Variants in ZBTB16 observed in about 807,000 individuals in gnomAD.
The protein encoded by ZBTB16 is zinc finger and BTB domain containing 16, also known as zinc finger and BTB domain-containing protein 16.
In ZBTB16, 8 loss-of-function variants were observed where a neutral mutation model predicts 56.8. That is an observed-to-expected ratio of 0.14 (90% confidence interval 0.08 to 0.25). The LOEUF (loss-of-function observed/expected upper bound fraction) is 0.25. ZBTB16 is among the 10% of genes least tolerant of loss of function. The pLI is 1.00. For synonymous variants in ZBTB16, 363 were observed against 368.5 expected (o/e 0.98, Z 0.17); for missense variants, 625 against 903.0 (o/e 0.69, Z 3.95).
At chr11:114,091,850 C>T (rs1772691560) in intron 2 of ZBTB16, among the ~76,000 whole-genome samples, 1 of 152,076 alleles carries the variant, frequency 6.6e-6, no homozygotes, top group Admixed American at 6.6e-5. Context: ...CTAAGCCGGT[C>T]AAGCAGTGGT....
chr11:114,195,125 T>G (rs1195885394), intron 4 of ZBTB16, among the ~76,000 whole-genome samples: 1 of 152,164 alleles, frequency 6.6e-6, no homozygotes, highest in African/African-American at 2.4e-5. Context: ...ACATCCCCAT[T>G]TGGGACTTGA....
intron 2 of ZBTB16, among the ~76,000 whole-genome samples, chr11:114,076,403 C>G (rs563606483): frequency 2.0e-5 from 3 of 152,304 alleles, no homozygotes; most frequent in African/African-American, 7.2e-5. Context: ...TTCTCACCTC[C>G]TCGTGGGCTT....
intron 2 of ZBTB16, among the ~76,000 whole-genome samples, chr11:114,099,208 G>C (rs1322780893): frequency 6.6e-6 from 1 of 152,088 alleles, no homozygotes; most frequent in Non-Finnish European, 1.5e-5. Context: ...GGGAGAGAGA[G>C]GTGCTACAAC....
At chr11:114,094,340 A>G (rs538867081) in intron 2 of ZBTB16, among the ~76,000 whole-genome samples, 3 of 152,340 alleles carry the variant, frequency 2.0e-5, no homozygotes, top group South Asian at 4.1e-4. Context: ...AAAAAACATT[A>G]AAAAATTGAC....
intron 2 of ZBTB16, among the ~76,000 whole-genome samples, chr11:114,133,028 A>G (rs1360899877): frequency 6.6e-6 from 1 of 152,156 alleles, no homozygotes; most frequent in Admixed American, 6.5e-5. Flanking sequence ...GGCAATGAAT[A>G]TTTTATGGGA....
At chr11:114,171,949 G>A (rs1942980235) in intron 3 of ZBTB16, among the ~76,000 whole-genome samples, 1 of 152,262 alleles carries the variant, frequency 6.6e-6, no homozygotes, top group Admixed American at 6.5e-5. Context: ...GTTTATGAAG[G>A]TGCTTCAAAG....
At chr11:114,247,441 A>T (rs1944837280) in intron 6 of ZBTB16, 76 bp downstream of exon 6, 1 of 1,593,330 alleles carries the variant, frequency 6.3e-7, no homozygotes. Context: ...TCTCCTAGAG[A>T]AGCCTAAGTG....
rs1024815188 is a variant in ZBTB16, at chr11:114,156,340, G to T, written c.1272G>T (p.Lys424Asn). 6.2e-7 allele frequency: 1 copy of T among 1,614,248 alleles called. No homozygotes were observed. ...TCTCTTTTCCTTTCCCTTACAGGAAGCTGCACAGTGGGATGAAGACGTACG... is the reference window on the plus strand; with the variant it reads ...TCTCTTTTCCTTTCCCTTACAGGAATCTGCACAGTGGGATGAAGACGTACG... ...PDNEAVEQHR[K>N]LHSGMKTYGC... Residue 424 changes from lysine to asparagine, a missense_variant, in exon 3 of 7, where the codon AAG (lysine) becomes AAT (asparagine). By Grantham distance (94) the Lys-to-Asn change is moderately conservative. Transcript: ENST00000335953.
intron 2 of ZBTB16, among the ~76,000 whole-genome samples, chr11:114,129,486 C>A (rs1164219784): frequency 6.6e-6 from 1 of 152,234 alleles, no homozygotes; most frequent in Non-Finnish European, 1.5e-5. Context: ...CTGCCTTACG[C>A]AGGCTCCCAG....
chr11:114,198,503 A>G (rs984879094), intron 4 of ZBTB16, among the ~76,000 whole-genome samples: 1 of 152,058 alleles, frequency 6.6e-6, no homozygotes, highest in African/African-American at 2.4e-5. Context: ...CTTTCTCTCC[A>G]TTGTTCACCC....
chr11:114,255,725 A>G lies in ZBTB16; in HGVS notation c.*5170A>G, dbSNP rs1343234555. Among the ~76,000 whole-genome samples the G allele has an allele frequency of 6.6e-6, 1 of 151,778 alleles. No individual in the cohort carries two copies. The highest frequency in any genetic ancestry group is 1.9e-4 in the East Asian group (1 of 5,192). ...AGTGTTTCTGACAAGATTTAAAAAA[A>G]AAAAAAAAGGAAAAAAAAAGAAAAA... On this transcript the variant is annotated 3_prime_UTR_variant, in exon 7 of 7. Transcript: ENST00000335953.
At chr11:114,148,414 TCCCTCCCTCC>T (rs1287441861) in intron 2 of ZBTB16, among the ~76,000 whole-genome samples, 12,671 of 35,658 alleles carry the variant, frequency 0.36, 2,998 homozygotes, top group Middle Eastern at 0.5. Flanking sequence ...CCTCCCTCCC[TCCCTCCCTCC>T]CTCTCTCTCT....
chr11:114,145,349 A>G (rs1942072627), intron 2 of ZBTB16, among the ~76,000 whole-genome samples: 1 of 152,262 alleles, frequency 6.6e-6, no homozygotes, highest in Admixed American at 6.5e-5. Flanking sequence ...ATGTCCACAC[A>G]TAAAACTTGT....
intron 6 of ZBTB16, among the ~76,000 whole-genome samples, chr11:114,249,457 CAAAAAA>C (rs57092004): frequency 1.2e-4 from 3 of 24,198 alleles, no homozygotes; most frequent in Admixed American, 7.4e-4. Flanking sequence ...GACTCCATCT[CAAAAAA>C]AAAAAAAAAA....
chr11:114,085,286 T>C (rs1939919316), intron 2 of ZBTB16, among the ~76,000 whole-genome samples: 1 of 152,208 alleles, frequency 6.6e-6, no homozygotes, highest in Non-Finnish European at 1.5e-5. Flanking sequence ...TTTAAGAACG[T>C]TAATGAAGAC....
At chr11:114,062,039 G>A (rs1185984253) in intron 1 of ZBTB16, among the ~76,000 whole-genome samples, 1 of 152,076 alleles carries the variant, frequency 6.6e-6, no homozygotes, top group Non-Finnish European at 1.5e-5. Flanking sequence ...TGTCCACCGG[G>A]CAGTTGTGGG....
In ZBTB16 at chr11:114,240,666, C is replaced by T. The variant is rs114648452; in HGVS notation, c.1454-1501C>T. ...GTGGGCACTGAGCTGCCAGTTAGGA[C>T]TCAGACACAAGGTCAGATACTTCCT... On this transcript the variant is annotated intron_variant, in intron 4 of 6. Coordinates refer to ENST00000335953, the MANE Select transcript of ZBTB16 (RefSeq NM_006006.6). 4.9e-3 allele frequency among the ~76,000 whole-genome samples: 742 copies of T among 152,284 alleles called. 7 individuals carry two copies. The highest frequency in any genetic ancestry group is 0.015 in the African/African-American group (623 of 41,548).
At chr11:114,147,951 G>A (rs1031521006) in intron 2 of ZBTB16, among the ~76,000 whole-genome samples, 2 of 152,180 alleles carry the variant, frequency 1.3e-5, no homozygotes, top group Non-Finnish European at 2.9e-5. Context: ...GTGCACAAAT[G>A]AAAAACTTTT....
intron 4 of ZBTB16, among the ~76,000 whole-genome samples, chr11:114,203,179 G>A (rs1310728681): frequency 2.0e-5 from 3 of 152,144 alleles, no homozygotes; most frequent in Admixed American, 6.5e-5. Context: ...TGGAAATCCC[G>A]TGCTAAGTGA....
Sources: gnomAD v4.1 joint callset for allele counts (sites outside exome capture counted in the v4.1 genomes callset) on GRCh38, gnomAD v4.1.1 for gene constraint, MANE v1.5 for transcripts, NCBI Gene and HGNC (gene_info 2026-07-23, HGNC 2026-07-21) for gene names.